The following BACH2 variants were observed in gnomAD, a reference collection of about 807,000 sequenced individuals.
BACH2 encodes BACH transcriptional regulator 2.
Under a neutral mutation model 61.8 loss-of-function variants are expected in BACH2, and 5 were observed. The observed-to-expected ratio is 0.08, with a 90% CI of 0.04 to 0.17. The LOEUF (loss-of-function observed/expected upper bound fraction) is 0.17. BACH2 is among the 10% of genes least tolerant of loss of function. The pLI is 1.00. For missense variants in BACH2, 824 were observed against 1,091.1 expected (o/e 0.76, Z 3.45); for synonymous variants, 446 against 440.1 (o/e 1.01, Z -0.17).
intron 4 of BACH2, among the ~76,000 whole-genome samples, chr6:90,155,760 T>C (rs1174839993): frequency 1.3e-5 from 2 of 152,214 alleles, no homozygotes; most frequent in Non-Finnish European, 2.9e-5. Context: ...TTTGCTTGTT[T>C]ATTGCTTATT....
chr6:90,111,876 C>T (rs907493655), intron 4 of BACH2, among the ~76,000 whole-genome samples: 2 of 152,200 alleles, frequency 1.3e-5, no homozygotes, highest in African/African-American at 4.8e-5. Context: ...ACTTGGAACA[C>T]ATCAGGTGAT....
At chr6:90,287,783 G>A (rs1045980657) in intron 1 of BACH2, among the ~76,000 whole-genome samples, 1 of 152,100 alleles carries the variant, frequency 6.6e-6, no homozygotes, top group African/African-American at 2.4e-5. Flanking sequence ...TACTTCTTTG[G>A]CTTTGTCTCC....
intron 5 of BACH2, among the ~76,000 whole-genome samples, chr6:90,087,720 T>C (rs552566005): frequency 8.6e-4 from 121 of 140,576 alleles, no homozygotes; most frequent in Non-Finnish European, 1.3e-3. Flanking sequence ...TCCCTTCCCA[T>C]GTGTGTGTTT....
At chr6:90,142,146 C>T (rs747951613) in intron 4 of BACH2, among the ~76,000 whole-genome samples, 5 of 152,164 alleles carry the variant, frequency 3.3e-5, no homozygotes, top group Non-Finnish European at 7.4e-5. Context: ...ATTGTTAGAA[C>T]GTCTTTCGAG....
chr6:90,014,401 C>G (rs1284052680), intron 5 of BACH2, among the ~76,000 whole-genome samples: 7 of 111,034 alleles, frequency 6.3e-5, no homozygotes, highest in Admixed American at 3.2e-4. Flanking sequence ...TTTAAATTGT[C>G]AAATTTATTG....
chr6:89,972,989 C>A (rs1775453396), intron 6 of BACH2, among the ~76,000 whole-genome samples: 1 of 152,150 alleles, frequency 6.6e-6, no homozygotes. Context: ...ACTCGGGAGT[C>A]TGAGGCAGGA....
chr6:90,044,630 TC>T (rs1779697963), intron 5 of BACH2, among the ~76,000 whole-genome samples: 1 of 152,162 alleles, frequency 6.6e-6, no homozygotes, highest in South Asian at 2.1e-4. Context: ...CCTGCAGCAG[TC>T]CTGGTAAGCA....
rs1776864298 is a variant in BACH2 at position 89,996,668 on chromosome 6, T to C, written c.243+11934A>G. ...CCCTAGTGAAGTCCTGTCCATCCTG[T>C]GGGTGTTGATTTTAGGTGAGATAAA... On this transcript the variant is annotated intron_variant, in intron 6 of 8. Coordinates refer to ENST00000257749, the MANE Select transcript of BACH2 (RefSeq NM_021813.4). 1.3e-5 allele frequency among the ~76,000 whole-genome samples: 2 copies of C among 152,134 alleles called. 1 individual carries two copies. The highest frequency in any genetic ancestry group is 4.1e-4 in the South Asian group (2 of 4,830).
chr6:90,029,390 G>GC (rs560254305), intron 5 of BACH2, among the ~76,000 whole-genome samples: 7 of 152,016 alleles, frequency 4.6e-5, no homozygotes, highest in Admixed American at 2.0e-4. Context: ...TCAATCCCTG[G>GC]CCTCCTCAGG....
chr6:90,115,636 A>C (rs1470342253), intron 4 of BACH2, among the ~76,000 whole-genome samples: 1 of 152,218 alleles, frequency 6.6e-6, no homozygotes, highest in Non-Finnish European at 1.5e-5. Flanking sequence ...AAAGACACCA[A>C]GAGCAATTGC....
intron 4 of BACH2, among the ~76,000 whole-genome samples, chr6:90,153,871 G>C (rs1784905329): frequency 2.0e-5 from 3 of 152,118 alleles, no homozygotes; most frequent in Non-Finnish European, 4.4e-5. Context: ...AAAAAATCAT[G>C]GTGCAGACTA....
intron 5 of BACH2, among the ~76,000 whole-genome samples, chr6:90,031,868 C>A (rs901323727): frequency 6.6e-6 from 1 of 151,954 alleles, no homozygotes. Context: ...AAAGTTCATA[C>A]GGAAACAAAA....
intron 4 of BACH2, among the ~76,000 whole-genome samples, chr6:90,097,641 G>A (rs1010401786): frequency 4.6e-5 from 7 of 152,102 alleles, no homozygotes; most frequent in Non-Finnish European, 8.8e-5. Context: ...TGTATTAGCC[G>A]ATATACTTTT....
chr6:90,143,639 C>A (rs1784531988), intron 4 of BACH2, among the ~76,000 whole-genome samples: 1 of 152,138 alleles, frequency 6.6e-6, no homozygotes, highest in Non-Finnish European at 1.5e-5. Flanking sequence ...ACCTCCACAT[C>A]CTCCACTTTT....
chr6:90,133,952 T>C (rs968847545), intron 4 of BACH2, among the ~76,000 whole-genome samples: 5 of 152,246 alleles, frequency 3.3e-5, no homozygotes, highest in Admixed American at 6.5e-5. Context: ...TGTTGGACAT[T>C]TGGGTTGGTT....
At chr6:90,049,846 C>T (rs1262305406) in intron 5 of BACH2, among the ~76,000 whole-genome samples, 1 of 152,196 alleles carries the variant, frequency 6.6e-6, no homozygotes, top group African/African-American at 2.4e-5. Context: ...CAAGGAAAAG[C>T]ATTTGTGGGA....
In BACH2 at chr6:90,082,594, C is replaced by T. The variant is rs9451345; in HGVS notation, c.-13+6367G>A. Among the ~76,000 whole-genome samples the T allele has an allele frequency of 2.5e-3, 374 of 152,160 alleles. 2 individuals are homozygous for T. The highest frequency in any genetic ancestry group is 8.5e-3 in the African/African-American group (353 of 41,526). ...AGTTAATTAGTTTCTTGAAAAAAGT[C>T]TGGAAAAATACATAAAAGTATGAGT... On this transcript the variant is annotated intron_variant, in intron 5 of 8. Transcript: ENST00000257749.
At chr6:90,047,070 A>T (rs569646498) in intron 5 of BACH2, among the ~76,000 whole-genome samples, 1 of 152,276 alleles carries the variant, frequency 6.6e-6, no homozygotes, top group Non-Finnish European at 1.5e-5. Context: ...AGCTGGGATT[A>T]CAGGCATCTG....
At chr6:90,080,327 C>T (rs1205475277) in intron 5 of BACH2, among the ~76,000 whole-genome samples, 4 of 152,004 alleles carry the variant, frequency 2.6e-5, no homozygotes, top group African/African-American at 7.3e-5. Context: ...CACAGTATCC[C>T]CTTGCTATCC....
Sources: allele counts gnomAD v4.1 joint callset (sites outside exome capture counted in the v4.1 genomes callset), GRCh38; gene constraint gnomAD v4.1.1; transcripts MANE v1.5; gene names NCBI Gene and HGNC (gene_info 2026-07-23, HGNC 2026-07-21).